TXNDC11: variants seen among roughly 807,000 people sequenced by gnomAD.
The protein encoded by TXNDC11 is thioredoxin domain-containing protein 11.
TXNDC11 carries 68 observed loss-of-function variants against 78.0 expected under a neutral mutation model. That is an observed-to-expected ratio of 0.87 (90% CI 0.72 to 1.07). The LOEUF (loss-of-function observed/expected upper bound fraction) is 1.07, where lower values mean the gene tolerates loss of function less well. TXNDC11 is among the 50% of genes least tolerant of loss of function. The pLI is 0.00. For missense variants in TXNDC11, 1,389 were observed against 1,221.8 expected (o/e 1.14, Z -2.04); for synonymous variants, 571 against 495.2 (o/e 1.15, Z -2.03).
At chr16:11,709,623 G>A (rs2051285039) in intron 5 of TXNDC11, among the ~76,000 whole-genome samples, 1 of 151,406 alleles carries the variant, frequency 6.6e-6, no homozygotes, top group Non-Finnish European at 1.5e-5. Context: ...TTTTAGTAGA[G>A]ACGGGGTTTC....
rs768026495 is a variant in TXNDC11 at position 11,742,734 on chromosome 16, A to G, written c.-4T>C. Reference sequence around the variant, plus strand: ...CGCGGCCTCCGCATTCCGACATTACATGCTCCCAGTCGCCGGCTTTATACC... The same window carrying G: ...CGCGGCCTCCGCATTCCGACATTACGTGCTCCCAGTCGCCGGCTTTATACC... On this transcript the variant is annotated 5_prime_UTR_variant, in exon 1 of 12. An upstream start codon of the reference 5' UTR is lost. Coordinates refer to ENST00000283033, the MANE Select transcript of TXNDC11 (RefSeq NM_015914.7). The G allele has an allele frequency of 2.0e-6, 3 of 1,468,668 alleles. No homozygotes were observed. The allele number at this position is 1,468,668 out of a possible 1,614,324, so 91.0% of individuals were successfully genotyped here.
At chr16:11,686,182 T>C (rs2050563328) in intron 10 of TXNDC11, among the ~76,000 whole-genome samples, 1 of 152,236 alleles carries the variant, frequency 6.6e-6, no homozygotes, top group Non-Finnish European at 1.5e-5. Context: ...GGTCTCGAAC[T>C]CCTGGCCTCA....
chr16:11,709,259 C>CTTTTTTTTTTTTTT (rs60926291), intron 5 of TXNDC11, among the ~76,000 whole-genome samples: 1 of 142,252 alleles, frequency 7.0e-6, no homozygotes, highest in South Asian at 2.2e-4. Context: ...AGCTGTGATT[C>CTTTTTTTTTTTTTT]TTTTTTTTTT....
intron 7 of TXNDC11, among the ~76,000 whole-genome samples, chr16:11,695,128 C>T (rs1016399924): frequency 4.6e-5 from 7 of 152,066 alleles, no homozygotes; most frequent in African/African-American, 1.7e-4. Flanking sequence ...GTAATACACA[C>T]TGTGATGTCT....
Position 11,691,602 on chromosome 16 carries a change from G to A in TXNDC11, c.1588C>T (p.Pro530Ser), listed in dbSNP as rs201691862. 2 of 1,614,154 alleles carry A rather than the reference G, an allele frequency of 1.2e-6. No homozygotes were observed. Among genetic ancestry groups the A allele is most frequent in the Non-Finnish European group, 1.7e-6 (2 of 1,180,032 alleles). Reference protein sequence around the residue: ...IDSEQGVFEAPTVAFSSLEKK... With the variant: ...IDSEQGVFEASTVAFSSLEKK... ...TCAAGGGAAGAAAATGCAACAGTAGGGGCTTCAAAGACACCTTGTTCAGAG... is the reference window on the plus strand; with the variant it reads ...TCAAGGGAAGAAAATGCAACAGTAGAGGCTTCAAAGACACCTTGTTCAGAG... The change falls in exon 8 of 12, where the codon CCT becomes TCT. Residue 530 changes from proline (P) to serine (S), a missense_variant. Transcript: ENST00000283033.
chr16:11,741,758 G>A (rs1337522142), intron 1 of TXNDC11, among the ~76,000 whole-genome samples: 1 of 152,202 alleles, frequency 6.6e-6, no homozygotes, highest in Non-Finnish European at 1.5e-5. Context: ...ATCAGGCCGG[G>A]TGCGGGGCTC....
At chr16:11,738,038 G>T (rs1390777124) in intron 1 of TXNDC11, among the ~76,000 whole-genome samples, 1 of 152,156 alleles carries the variant, frequency 6.6e-6, no homozygotes, top group African/African-American at 2.4e-5. Flanking sequence ...AATCTGGCAT[G>T]ACTCATGAGG....
At chr16:11,724,874 T>C (rs937311511) in intron 4 of TXNDC11, among the ~76,000 whole-genome samples, 3 of 151,954 alleles carry the variant, frequency 2.0e-5, no homozygotes, top group African/African-American at 4.8e-5. Flanking sequence ...GCCTCCCGAG[T>C]AGCTGGGATT....
chr16:11,726,183 G>A (rs1019902543), intron 4 of TXNDC11, among the ~76,000 whole-genome samples: 3 of 151,940 alleles, frequency 2.0e-5, no homozygotes, highest in African/African-American at 7.3e-5. Flanking sequence ...AGGCCTCTTA[G>A]AGTCATAGTT....
In TXNDC11 at chr16:11,688,362, G is replaced by T. The variant is rs2050620785; in HGVS notation, c.1984C>A (p.Gln662Lys). Residue 662 changes from glutamine (Q) to lysine (K), a missense_variant, in exon 9 of 12, where the codon CAG becomes AAG. Coordinates refer to ENST00000283033, the MANE Select transcript of TXNDC11 (RefSeq NM_015914.7). Reference sequence around the variant, plus strand: ...GTTGTCACTTCAGTGATTAAATGCTGAGACGGGAACTGGGCAGAGCCACTT... The same window carrying T: ...GTTGTCACTTCAGTGATTAAATGCTTAGACGGGAACTGGGCAGAGCCACTT... ...IGSGSAQFPSQHLITEVTTDT... is the reference protein window; with the variant it reads ...IGSGSAQFPSKHLITEVTTDT... 1.9e-6 allele frequency: 3 copies of T among 1,614,182 alleles called. No homozygotes were observed. Among genetic ancestry groups the T allele is most frequent in the African/African-American group, 2.7e-5 (2 of 75,050 alleles).
intron 4 of TXNDC11, among the ~76,000 whole-genome samples, chr16:11,727,570 T>C (rs1458642575): frequency 2.0e-5 from 3 of 152,178 alleles, no homozygotes; most frequent in African/African-American, 7.2e-5. Flanking sequence ...TTGTGTTTTT[T>C]GGAAAAAGTG....
intron 10 of TXNDC11, 92 bp from the exon 11 acceptor site, chr16:11,684,337 C>T: frequency 1.1e-6 from 1 of 879,398 alleles, no homozygotes; most frequent in Non-Finnish European, 1.8e-6. Flanking sequence ...GAACCTGGTG[C>T]ATTTTTTACA....
rs561797735 is a variant in TXNDC11 at position 11,724,907 on chromosome 16, G to A, written c.700-3237C>T. 2.6e-5 allele frequency among the ~76,000 whole-genome samples: 4 copies of A among 152,114 alleles called. No individual in the cohort carries two copies. In the South Asian group the frequency reaches 6.2e-4, roughly 24 times the overall value. ...ATTACAGGCGCCCGCCACCACATCC[G>A]GCTAATTTTTTGTATTTTTAGTAGA... On this transcript the variant is annotated intron_variant, in intron 4 of 11. Transcript: ENST00000283033.
At chr16:11,730,845 A>G in intron 3 of TXNDC11, 71 bp from the exon 4 acceptor site, 4 of 1,181,492 alleles carry the variant, frequency 3.4e-6, no homozygotes, top group Non-Finnish European at 3.4e-6. Flanking sequence ...CCTGTAATGT[A>G]TAACTAAAAT....
chr16:11,731,542 G>A (rs1420739466), intron 3 of TXNDC11, among the ~76,000 whole-genome samples: 1 of 152,144 alleles, frequency 6.6e-6, no homozygotes, highest in Admixed American at 6.5e-5. Context: ...GGGTTGGGGG[G>A]TTATGGTGAA....
intron 8 of TXNDC11, chr16:11,689,860 T>A (rs1597411549): frequency 6.6e-6 from 1 of 152,244 alleles, no homozygotes; most frequent in African/African-American, 2.4e-5. Flanking sequence ...ATAACATGAA[T>A]TGGGAGTAAT....
intron 4 of TXNDC11, among the ~76,000 whole-genome samples, chr16:11,722,669 G>A (rs2051745097): frequency 6.6e-6 from 1 of 152,176 alleles, no homozygotes; most frequent in African/African-American, 2.4e-5. Flanking sequence ...CAAAGAGCAA[G>A]CCTGATGAAC....
At position 11,679,639 on chromosome 16, in the gene TXNDC11, T is replaced by C. The variant is rs2050367295; in HGVS notation, c.2433A>G (p.Arg811=). The C allele has an allele frequency of 5.0e-6, 8 of 1,614,150 alleles. No homozygotes were observed. The highest frequency in any genetic ancestry group is 6.8e-6 in the Non-Finnish European group (8 of 1,180,032). ...CTCGCTGGAGGCTGCTTATTTCTGC[T>C]CTCAGTTTCTGGATCTCTCTCTCCA... The part of the protein sequence containing the change: ...SHLEREIQKL[R]AEISSLQRAQ... Residue 811 remains arginine (R), a synonymous_variant, in exon 12 of 12, where the codon AGA becomes AGG. Transcript: ENST00000283033. This position sits in a 1 kb window ranked among gnomAD's most constrained non-coding sequence, Gnocchi z 4.6.
At chr16:11,731,172 C>T (rs2052034059) in intron 3 of TXNDC11, among the ~76,000 whole-genome samples, 2 of 152,224 alleles carry the variant, frequency 1.3e-5, no homozygotes, top group South Asian at 2.1e-4. Flanking sequence ...TCAACGCAGG[C>T]GGGCAGACTT....
Sources: allele counts gnomAD v4.1 joint callset (sites outside exome capture counted in the v4.1 genomes callset), GRCh38; gene constraint gnomAD v4.1.1; non-coding constraint Gnocchi (gnomAD v3.1); transcripts MANE v1.5; gene names NCBI Gene and HGNC (gene_info 2026-07-23, HGNC 2026-07-21).